Variants in DPYSL2 observed in about 807,000 individuals in gnomAD.
The protein encoded by DPYSL2 is dihydropyrimidinase like 2.
Under a neutral mutation model 69.9 loss-of-function variants are expected in DPYSL2, and 13 were observed. That is an observed-to-expected ratio of 0.19 (90% CI 0.12 to 0.30). The LOEUF (loss-of-function observed/expected upper bound fraction) is 0.30, where lower values mean the gene tolerates loss of function less well. Ranked by LOEUF, DPYSL2 falls within the 10% of genes least tolerant of loss-of-function variation. The pLI, the probability that DPYSL2 is intolerant of heterozygous loss-of-function variation, is 1.00. For synonymous variants in DPYSL2, 326 were observed against 359.1 expected, an observed-to-expected ratio of 0.91 and a Z score of 1.04; for missense variants, 587 against 918.9, an observed-to-expected ratio of 0.64 and a Z score of 4.67.
intron 3 of DPYSL2, among the ~76,000 whole-genome samples, chr8:26,584,345 G>T (rs1249907802): frequency 6.6e-6 from 1 of 152,164 alleles, no homozygotes; most frequent in Non-Finnish European, 1.5e-5. Flanking sequence ...TTGAGCATAA[G>T]TATTTGATTG....
rs775178347 is a variant in DPYSL2, at chr8:26,617,149, C to T, written c.629-6994C>T. On this transcript the variant is annotated intron_variant, in intron 3 of 13. Transcript: ENST00000521913. The surrounding 1 kb of genome is among the most constrained non-coding windows in gnomAD (Gnocchi z 4.7). ...ATGATATTGGGTTCTCTATCAGTGT[C>T]GCTCCCTGGCTGTAATATTGTACTA... Among the ~76,000 whole-genome samples the T allele has an allele frequency of 7.9e-5, 12 of 152,148 alleles. No homozygotes were observed. The highest frequency in any genetic ancestry group is 2.0e-4 in the Admixed American group (3 of 15,276).
chr8:26,563,014 C>T (rs899458285), intron 1 of DPYSL2, among the ~76,000 whole-genome samples: 6 of 152,110 alleles, frequency 3.9e-5, no homozygotes, highest in Admixed American at 3.9e-4. Context: ...ATTTCCCACA[C>T]CTGTGTCTGA....
At chr8:26,623,993 G>A (rs76093107) in intron 3 of DPYSL2, 150 bp from the exon 4 acceptor site, 16,764 of 782,596 alleles carry the variant, frequency 0.021, 237 homozygotes, top group Middle Eastern at 0.039. Context: ...AATCAGCTGG[G>A]TTACATGGAT....
rs192283279 is a variant in DPYSL2, at chr8:26,596,833, G to A, written c.628+12850G>A. Among the ~76,000 whole-genome samples the A allele has an allele frequency of 1.3e-3, 197 of 152,284 alleles. 1 individual carries two copies. The highest frequency in any genetic ancestry group is 0.011 in the Admixed American group (169 of 15,304). ...AGAATGCGAGAGGAACGTTTGTTTT[G>A]TAGCAGTTAGACAGCCTGCTCATGA... On this transcript the variant is annotated intron_variant, in intron 3 of 13. Coordinates refer to ENST00000521913, the MANE Select transcript of DPYSL2 (RefSeq NM_001197293.3).
chr8:26,603,235 C>T (rs754908164), intron 3 of DPYSL2, among the ~76,000 whole-genome samples: 7 of 152,024 alleles, frequency 4.6e-5, no homozygotes, highest in East Asian at 1.9e-4. Context: ...TGCAGTGGCC[C>T]GATCTTGGCT....
In DPYSL2 at chr8:26,561,389, A is replaced by C. The variant is rs560355964; in HGVS notation, c.355-20580A>C. ...CGTAGAATTATTTGACTTAATTACC[A>C]TCCATGAGTGGATGTTCCTAAATTC... On this transcript the variant is annotated intron_variant, in intron 1 of 13. Transcript: ENST00000521913. 1.4e-4 allele frequency among the ~76,000 whole-genome samples: 21 copies of C among 152,172 alleles called. No homozygotes were observed. The South Asian group carries it at 4.1e-3, about 30-fold the overall frequency.
rs1023924015 is a variant in DPYSL2, at chr8:26,565,403, T to C, written c.355-16566T>C. ...TTGCAGGGTAAGAGTAGCAGAATGA[T>C]GCTGCTGGTGAGAGTAGTCCAGGAA... On this transcript the variant is annotated intron_variant, in intron 1 of 13. Transcript: ENST00000521913. This position sits in a 1 kb window ranked among gnomAD's most constrained non-coding sequence, Gnocchi z 4.1. Among the ~76,000 whole-genome samples, 1 of 152,160 alleles carries C rather than the reference T, an allele frequency of 6.6e-6. No individual in the cohort carries two copies. The highest frequency in any genetic ancestry group is 6.5e-5 in the Admixed American group (1 of 15,278).
Position 26,626,178 on chromosome 8 carries a change from A to G in DPYSL2, c.794-439A>G, listed in dbSNP as rs1802608063. Among the ~76,000 whole-genome samples the G allele has an allele frequency of 6.6e-6, 1 of 152,118 alleles. No homozygotes were observed. The highest frequency in any genetic ancestry group is 1.5e-5 in the Non-Finnish European group (1 of 68,026). ...ATGTGTCAGGGTGTCTTTCCTTTTT[A>G]AAGGCTGAATAATATTCCATTGTAT... On this transcript the variant is annotated intron_variant, in intron 4 of 13. Transcript: ENST00000521913. This position sits in a 1 kb window ranked among gnomAD's most constrained non-coding sequence, Gnocchi z 4.3.
chr8:26,606,333 A>G (rs1471392429), intron 3 of DPYSL2, among the ~76,000 whole-genome samples: 11 of 152,196 alleles, frequency 7.2e-5, no homozygotes, highest in African/African-American at 2.4e-5. Flanking sequence ...CAGTAAAGTC[A>G]GAAGAGACCA....
chr8:26,539,667 G>T (rs1016107712), intron 1 of DPYSL2, among the ~76,000 whole-genome samples: 3 of 152,158 alleles, frequency 2.0e-5, no homozygotes, highest in African/African-American at 7.2e-5. Flanking sequence ...AGCCTCCCGA[G>T]TAGCTGGGAC....
At position 26,624,035 on chromosome 8, in the gene DPYSL2, C is replaced by G; in HGVS notation, c.629-108C>G. The G allele has an allele frequency of 8.4e-7, 1 of 1,194,462 alleles. No homozygotes were observed. The highest frequency in any genetic ancestry group is 1.2e-6 in the Non-Finnish European group (1 of 837,960). 74.0% of individuals were successfully genotyped at this position (1,194,462 alleles called of 1,614,324 possible). ...AAGCTGGTTGTAGAGATCACCATCT[C>G]GATTTTGAACCCAAGAAGCCTTATT... is the stretch of plus-strand genomic sequence containing the variant. On this transcript the variant is annotated intron_variant, in intron 3 of 13. Coordinates refer to ENST00000521913, the MANE Select transcript of DPYSL2 (RefSeq NM_001197293.3). This position sits in a 1 kb window ranked among gnomAD's most constrained non-coding sequence, Gnocchi z 4.7.
chr8:26,543,365 GCCTA>G (rs901227350), intron 1 of DPYSL2, among the ~76,000 whole-genome samples: 11 of 152,166 alleles, frequency 7.2e-5, no homozygotes, highest in African/African-American at 2.4e-4. Flanking sequence ...CTCCTCTGCT[GCCTA>G]CCTAACAAGT....
At position 26,614,056 on chromosome 8, in the gene DPYSL2, G is replaced by A. The variant is rs572903064; in HGVS notation, c.629-10087G>A. Among the ~76,000 whole-genome samples the A allele has an allele frequency of 2.0e-5, 3 of 152,244 alleles. No homozygotes were observed. Among genetic ancestry groups the A allele is most frequent in the South Asian group, 2.1e-4 (1 of 4,818 alleles). On this transcript the variant is annotated intron_variant, in intron 3 of 13. Transcript: ENST00000521913. The surrounding 1 kb of genome is among the most constrained non-coding windows in gnomAD (Gnocchi z 4.9). Reference sequence around the variant, plus strand: ...GAGGTGGGAGGATCGCTTGAGTCCTGGAAATCAAGGCTGCGGTCAGCCAGA... The same window carrying A: ...GAGGTGGGAGGATCGCTTGAGTCCTAGAAATCAAGGCTGCGGTCAGCCAGA...
chr8:26,566,478 A>G lies in DPYSL2; in HGVS notation c.355-15491A>G, dbSNP rs969702183. On this transcript the variant is annotated intron_variant, in intron 1 of 13. Transcript: ENST00000521913. ...TGGACTATAGGGCTTTGTGGCATGC[A>G]TGTCCTCTTTGGACTTGATTACAAA... Among the ~76,000 whole-genome samples, 10 of 152,348 alleles carry G rather than the reference A, an allele frequency of 6.6e-5. No individual in the cohort carries two copies. In the East Asian group the frequency reaches 1.5e-3, roughly 24 times the overall value.
intron 1 of DPYSL2, among the ~76,000 whole-genome samples, chr8:26,535,889 C>G (rs1487302376): frequency 7.1e-6 from 1 of 139,958 alleles, no homozygotes; most frequent in East Asian, 2.0e-4. Context: ...ATTATAAGCT[C>G]TCTATGGGTT....
Position 26,647,691 on chromosome 8 carries a change from T to C in DPYSL2, c.1487T>C (p.Val496Ala). ...GTGACCAGCACCAATGCAGCCAAAGTCTTCAACCTTTACCCCCGGAAAGGC... is the reference window on the plus strand; with the variant it reads ...GTGACCAGCACCAATGCAGCCAAAGCCTTCAACCTTTACCCCCGGAAAGGC... ...VAVTSTNAAKVFNLYPRKGRI... is the reference protein window; with the variant it reads ...VAVTSTNAAKAFNLYPRKGRI... Residue 496 changes from valine (V) to alanine (A), a missense_variant, in exon 11 of 14, where the codon GTC becomes GCC. Coordinates refer to ENST00000521913, the MANE Select transcript of DPYSL2 (RefSeq NM_001197293.3). This position sits in a 1 kb window ranked among gnomAD's most constrained non-coding sequence, Gnocchi z 5.1. The C allele has an allele frequency of 6.2e-7, 1 of 1,614,188 alleles. No homozygotes were observed. The highest frequency in any genetic ancestry group is 8.5e-7 in the Non-Finnish European group (1 of 1,180,022).
chr8:26,651,027 C>G lies in DPYSL2; in HGVS notation c.1597-1230C>G, dbSNP rs186286766. Among the ~76,000 whole-genome samples the G allele has an allele frequency of 3.2e-4, 48 of 152,326 alleles. 2 individuals carry two copies. The Middle Eastern group carries it at 0.01, about 32-fold the overall frequency. Reference sequence around the variant, plus strand: ...GGCTCCGGCTGCTATAAGACACATTCTGACTTCAGGGATGAGTGTCTTAGA... The same window carrying G: ...GGCTCCGGCTGCTATAAGACACATTGTGACTTCAGGGATGAGTGTCTTAGA... On this transcript the variant is annotated intron_variant, in intron 11 of 13. Coordinates refer to ENST00000521913, the MANE Select transcript of DPYSL2 (RefSeq NM_001197293.3).
At chr8:26,576,688 G>T (rs1344423983) in intron 1 of DPYSL2, among the ~76,000 whole-genome samples, 1 of 152,244 alleles carries the variant, frequency 6.6e-6, no homozygotes, top group Non-Finnish European at 1.5e-5. Context: ...GGGCAGTCAG[G>T]ACACTCTTGA....
Position 26,577,989 on chromosome 8 carries a change from C to G in DPYSL2, c.355-3980C>G, listed in dbSNP as rs1345426672. On this transcript the variant is annotated intron_variant, in intron 1 of 13. Coordinates refer to ENST00000521913, the MANE Select transcript of DPYSL2 (RefSeq NM_001197293.3). ...ACCCCCTTCCCTCCTGTTTCTCTCT[C>G]TCCTTCTCTCTCTCTCTCTCTCTCT... 12 of 1,311,162 alleles carry G rather than the reference C, an allele frequency of 9.2e-6. No homozygotes were observed. The South Asian group carries it at 1.0e-4, about 11-fold the overall frequency. The allele number at this position is 1,311,162 out of a possible 1,614,324, so 81.2% of individuals were successfully genotyped here.
Sources: gnomAD v4.1 joint callset for allele counts (sites outside exome capture counted in the v4.1 genomes callset) on GRCh38, gnomAD v4.1.1 for gene constraint, Gnocchi (gnomAD v3.1) non-coding constraint, MANE v1.5 for transcripts, NCBI Gene and HGNC (gene_info 2026-07-23, HGNC 2026-07-21) for gene names.